CA6: variants seen among roughly 807,000 people sequenced by gnomAD.
The protein encoded by CA6 is carbonate dehydratase VI.
A neutral mutation model predicts 35.9 loss-of-function variants in CA6; 28 were observed. The ratio of observed to expected loss-of-function variants is 0.78; its 90% CI spans 0.58 to 1.07. The LOEUF is 1.07. Ranked by LOEUF, CA6 falls within the 50% of genes least tolerant of loss-of-function variation. CA6 has a pLI of 0.00. For synonymous variants in CA6, 148 were observed against 152.6 expected (o/e 0.97, Z 0.22); for missense variants, 377 against 382.0 (o/e 0.99, Z 0.11).
rs1557623798 is a variant in CA6 at position 8,955,616 on chromosome 1, G to GCTTCCTTTTAAGGCCCTTC, written c.260-1520_260-1519insTTCCTTTTAAGGCCCTTCC. On this transcript the variant is annotated intron_variant, in intron 2 of 7. Coordinates refer to ENST00000377443, the MANE Select transcript of CA6 (RefSeq NM_001215.4). ...GTCTGCTTTCAGCATCACTGACCTT[G>GCTTCCTTTTAAGGCCCTTC]CACGCCTCCTTTTAAGGCCCTTCCA... 4.0e-5 allele frequency among the ~76,000 whole-genome samples: 6 copies of GCTTCCTTTTAAGGCCCTTC among 150,118 alleles called. 1 individual carries two copies. The highest frequency in any genetic ancestry group is 7.4e-5 in the Non-Finnish European group (5 of 67,602).
At chr1:8,972,342 C>T (rs1408548276) in intron 7 of CA6, among the ~76,000 whole-genome samples, 1 of 152,142 alleles carries the variant, frequency 6.6e-6, no homozygotes, top group African/African-American at 2.4e-5. Flanking sequence ...CGAGCCACCT[C>T]GTTCGGCCTT....
At chr1:8,950,530 G>C (rs1197521489) in intron 2 of CA6, among the ~76,000 whole-genome samples, 1 of 152,000 alleles carries the variant, frequency 6.6e-6, no homozygotes, top group South Asian at 2.1e-4. Context: ...TCTCACTCCT[G>C]CTTGGGTTGA....
rs61746465 is a variant in CA6, at chr1:8,949,393, C to T, written c.210C>T (p.Gly70=). ...NPSLKGLNMT[G]YETQAGEFPM... Reference sequence around the variant, plus strand: ...CCTTGAAGGGGCTCAATATGACAGGCTATGAGACCCAGGCAGGGGAGTTCC... The same window carrying T: ...CCTTGAAGGGGCTCAATATGACAGGTTATGAGACCCAGGCAGGGGAGTTCC... The change falls in exon 2 of 8, where the codon GGC becomes GGT. Residue 70 remains glycine (G), a synonymous_variant. Coordinates refer to ENST00000377443, the MANE Select transcript of CA6 (RefSeq NM_001215.4). 3,567 of 1,613,222 alleles carry T rather than the reference C, an allele frequency of 2.2e-3. 101 individuals are homozygous for T. The African/African-American group carries it at 0.041, about 19-fold the overall frequency.
intron 6 of CA6, among the ~76,000 whole-genome samples, chr1:8,968,118 C>A (rs1478112108): frequency 6.6e-6 from 1 of 152,000 alleles, no homozygotes; most frequent in African/African-American, 2.4e-5. Flanking sequence ...CAGGAGTGTG[C>A]CACCACGCCC....
Position 8,957,216 on chromosome 1 carries a change from C to T in CA6, c.339C>T (p.His113=). 1 of 1,614,140 alleles carries T rather than the reference C, an allele frequency of 6.2e-7. No individual in the cohort carries two copies. The highest frequency in any genetic ancestry group is 8.5e-7 in the Non-Finnish European group (1 of 1,180,010). ...ACATAGCCCAGCAGATGCACTTTCA[C>T]TGGGGAGGTGCGTCCTCGGAGATCA... ...TVYIAQQMHF[H]WGGASSEISG... Residue 113 remains histidine, a synonymous_variant, in exon 3 of 8, where the codon CAC becomes CAT. Transcript: ENST00000377443.
At chr1:8,967,851 A>T (rs767955207) in intron 6 of CA6, 35 bp downstream of exon 6, 4 of 1,600,428 alleles carry the variant, frequency 2.5e-6, no homozygotes, top group Non-Finnish European at 2.6e-6. Flanking sequence ...AAGTCTTCCC[A>T]TTCGATTGCC....
At chr1:8,956,153 G>A (rs917807862) in intron 2 of CA6, among the ~76,000 whole-genome samples, 5 of 151,822 alleles carry the variant, frequency 3.3e-5, no homozygotes. Flanking sequence ...AACCCAGGAG[G>A]CGGAGGTTGC....
intron 1 of CA6, among the ~76,000 whole-genome samples, chr1:8,948,885 T>A (rs10864372): frequency 0.64 from 97,194 of 150,748 alleles, 31,582 homozygotes; most frequent in East Asian, 0.82. Context: ...CCGGATAATC[T>A]CTTGAATCTG....
At chr1:8,965,837 AG>A (rs1639952916) in intron 5 of CA6, among the ~76,000 whole-genome samples, 1 of 150,964 alleles carries the variant, frequency 6.6e-6, no homozygotes, top group Non-Finnish European at 1.5e-5. Flanking sequence ...CAGTGAGCTG[AG>A]ATTGTGCCAC....
chr1:8,968,446 C>T (rs1244744500), intron 6 of CA6, among the ~76,000 whole-genome samples: 1 of 150,366 alleles, frequency 6.7e-6, no homozygotes, highest in Non-Finnish European at 1.5e-5. Context: ...AGAATTTTCA[C>T]AAATAAAGTT....
chr1:8,966,005 G>A lies in CA6; in HGVS notation c.572-1654G>A, dbSNP rs543007537. On this transcript the variant is annotated intron_variant, in intron 5 of 7. Transcript: ENST00000377443. The stretch of plus-strand genomic sequence containing the variant: ...TACCTTTTGGCTATTGTGAGGTAAC[G>A]CTGCTATGAATATAGGTGTACAAGT... 6.6e-5 allele frequency among the ~76,000 whole-genome samples: 10 copies of A among 152,256 alleles called. No individual in the cohort carries two copies. In the South Asian group the frequency reaches 1.7e-3, roughly 25 times the overall value.
chr1:8,950,423 G>C (rs1173932976), intron 2 of CA6, among the ~76,000 whole-genome samples: 2 of 152,068 alleles, frequency 1.3e-5, no homozygotes, highest in South Asian at 4.1e-4. Flanking sequence ...GGAGGTCGAG[G>C]GACTCACCCA....
chr1:8,956,632 C>T (rs550924331), intron 2 of CA6, among the ~76,000 whole-genome samples: 2 of 152,194 alleles, frequency 1.3e-5, no homozygotes, highest in Non-Finnish European at 2.9e-5. Context: ...ATCGTGGTGC[C>T]ACTGCACTCC....
chr1:8,974,538 T>G (rs1640216557), intron 7 of CA6, 84 bp from the exon 8 acceptor site: 1 of 1,415,354 alleles, frequency 7.1e-7, no homozygotes, highest in South Asian at 1.2e-5. Context: ...ACGATGCGGG[T>G]ATGGTGTCTG....
chr1:8,973,777 TTTC>T (rs764808355), intron 7 of CA6, among the ~76,000 whole-genome samples: 1 of 50,496 alleles, frequency 2.0e-5, no homozygotes, highest in East Asian at 6.1e-4. Flanking sequence ...TCTTTCTTTC[TTTC>T]TTTCTTTTCC....
At chr1:8,957,111 C>T (rs987569496) in intron 2 of CA6, 26 bp from the exon 3 acceptor site, 1 of 1,575,528 alleles carries the variant, frequency 6.3e-7, no homozygotes, top group Non-Finnish European at 8.6e-7. Flanking sequence ...ACCTACTCTG[C>T]TCTCAGCCCC....
In CA6 at chr1:8,962,613, T is replaced by C. The variant is rs1639868596; in HGVS notation, c.528T>C (p.Tyr176=). The change falls in exon 5 of 8, where the codon TAT becomes TAC. Residue 176 remains tyrosine (Y), a synonymous_variant. Transcript: ENST00000377443. ...VEVKNYPENT[Y]YSNFISHLAN... ...TGAAGAATTACCCTGAAAACACTTA[T>C]TACAGCAACTTCATTTCTCATCTGG... The C allele has an allele frequency of 2.0e-5, 32 of 1,613,816 alleles. No homozygotes were observed. The East Asian group carries it at 6.9e-4, about 35-fold the overall frequency.
At chr1:8,948,260 TG>T (rs923600125) in intron 1 of CA6, among the ~76,000 whole-genome samples, 3 of 152,260 alleles carry the variant, frequency 2.0e-5, no homozygotes, top group African/African-American at 7.2e-5. Flanking sequence ...CACAGCTGTA[TG>T]GGAGCCAAGT....
rs1640091329 is a variant in CA6 at position 8,970,888 on chromosome 1, T to A, written c.751T>A (p.Leu251Ile). The change falls in exon 7 of 8, where the codon TTA (leucine) becomes ATA (isoleucine). Residue 251 changes from leucine (L) to isoleucine (I), a missense_variant. Physicochemically the swap from Leu to Ile is conservative, Grantham distance 5 (BLOSUM62 2). Transcript: ENST00000377443. ...CCAGGTTTGGAAGCTGGAGAATTCC[T>A]TACTGGATCACCGCAACAAGACCAT... ...RTQVWKLENS[L>I]LDHRNKTIHN... The A allele has an allele frequency of 2.5e-6, 4 of 1,613,478 alleles. No individual in the cohort carries two copies. In the East Asian group the frequency reaches 8.9e-5, roughly 36 times the overall value.
Sources: gnomAD v4.1 joint callset for allele counts (sites outside exome capture counted in the v4.1 genomes callset) on GRCh38, gnomAD v4.1.1 for gene constraint, MANE v1.5 for transcripts, NCBI Gene and HGNC (gene_info 2026-07-23, HGNC 2026-07-21) for gene names.